The following NKAIN2 variants were observed in gnomAD, a reference collection of about 807,000 sequenced individuals.
NKAIN2 encodes the protein sodium/potassium transporting ATPase interacting 2.
In NKAIN2, 14 loss-of-function variants were observed where a neutral mutation model predicts 32.6. The ratio of observed to expected loss-of-function variants is 0.43; its 90% confidence interval spans 0.28 to 0.67. The LOEUF is 0.67. NKAIN2 is among the 30% of genes least tolerant of loss of function. The pLI is 0.17. For synonymous variants in NKAIN2, 80 were observed against 87.2 expected, an observed-to-expected ratio of 0.92 and a Z score of 0.46; for missense variants, 198 against 258.3, an observed-to-expected ratio of 0.77 and a Z score of 1.60.
chr6:124,347,908 G>T (rs185856530), intron 2 of NKAIN2, among the ~76,000 whole-genome samples: 1 of 152,156 alleles, frequency 6.6e-6, no homozygotes, highest in Non-Finnish European at 1.5e-5. Flanking sequence ...GAGGAGAGGC[G>T]CTCTGCTTTT....
At chr6:124,195,537 A>T (rs974305948) in intron 1 of NKAIN2, among the ~76,000 whole-genome samples, 1 of 152,154 alleles carries the variant, frequency 6.6e-6, no homozygotes, top group African/African-American at 2.4e-5. Flanking sequence ...AAAACTTCTC[A>T]TTTGTGTATG....
intron 4 of NKAIN2, among the ~76,000 whole-genome samples, chr6:124,682,743 G>A (rs975747594): frequency 1.3e-4 from 20 of 151,908 alleles, no homozygotes; most frequent in Admixed American, 1.3e-3. Flanking sequence ...TGATATATTG[G>A]AACTTAAAAA....
chr6:124,642,539 CT>C (rs1784031575), intron 3 of NKAIN2, among the ~76,000 whole-genome samples: 1 of 152,252 alleles, frequency 6.6e-6, no homozygotes, highest in African/African-American at 2.4e-5. Context: ...CAGAACAGTG[CT>C]TTCTGATGAT....
Position 124,313,343 on chromosome 6 carries a change from G to A in NKAIN2, c.192+30201G>A, listed in dbSNP as rs140634796. Among the ~76,000 whole-genome samples, 822 of 152,132 alleles carry A rather than the reference G, an allele frequency of 5.4e-3. 4 individuals carry two copies. Among genetic ancestry groups the A allele is most frequent in the African/African-American group, 0.018 (751 of 41,510 alleles). Reference sequence around the variant, plus strand: ...TTTTTATTCCAATCATTGCCTTCGTGCTGTGTCTGATATCTATTGCCTGTC... The same window carrying A: ...TTTTTATTCCAATCATTGCCTTCGTACTGTGTCTGATATCTATTGCCTGTC... On this transcript the variant is annotated intron_variant, in intron 2 of 6. Transcript: ENST00000368417.
chr6:124,067,836 G>A (rs929855170), intron 1 of NKAIN2, among the ~76,000 whole-genome samples: 1 of 152,178 alleles, frequency 6.6e-6, no homozygotes, highest in Non-Finnish European at 1.5e-5. Flanking sequence ...CATCCATTTA[G>A]CAAATATGTA....
chr6:124,432,484 A>G (rs1173284380), intron 3 of NKAIN2, among the ~76,000 whole-genome samples: 1 of 152,134 alleles, frequency 6.6e-6, no homozygotes, highest in African/African-American at 2.4e-5. Context: ...GTGTGCGCCT[A>G]TAAGTCACAG....
At chr6:124,709,475 C>G (rs1237613635) in intron 4 of NKAIN2, among the ~76,000 whole-genome samples, 1 of 151,670 alleles carries the variant, frequency 6.6e-6, no homozygotes, top group Admixed American at 6.6e-5. Context: ...GTCCTGGACT[C>G]TTTATGGTTG....
intron 4 of NKAIN2, among the ~76,000 whole-genome samples, chr6:124,776,251 C>G (rs1464938997): frequency 6.6e-6 from 1 of 152,182 alleles, no homozygotes; most frequent in African/African-American, 2.4e-5. Context: ...TTCTACCCAA[C>G]AGTTTAGCAC....
At chr6:124,668,402 T>A (rs1772920345) in intron 4 of NKAIN2, among the ~76,000 whole-genome samples, 1 of 152,156 alleles carries the variant, frequency 6.6e-6, no homozygotes, top group Admixed American at 6.6e-5. Context: ...TTAAGTTTGA[T>A]TAGCTTATCA....
intron 4 of NKAIN2, among the ~76,000 whole-genome samples, chr6:124,681,867 T>C (rs968100729): frequency 6.6e-6 from 1 of 151,866 alleles, no homozygotes; most frequent in African/African-American, 2.4e-5. Flanking sequence ...GAAATAAAAA[T>C]TTAAGAGATC....
chr6:124,806,228 G>A (rs1274540574), intron 5 of NKAIN2, among the ~76,000 whole-genome samples: 2 of 152,118 alleles, frequency 1.3e-5, no homozygotes, highest in African/African-American at 4.8e-5. Flanking sequence ...AATGTTAAGG[G>A]CAGCCAGAGA....
chr6:123,991,314 G>A (rs1779399504), intron 1 of NKAIN2, among the ~76,000 whole-genome samples: 1 of 152,132 alleles, frequency 6.6e-6, no homozygotes, highest in African/African-American at 2.4e-5. Context: ...TGGTTCTGCT[G>A]ATGAAAGTTG....
chr6:124,415,878 C>CTTTTTTTTTTTTTTTTTGTTT (rs1774459021), intron 3 of NKAIN2, among the ~76,000 whole-genome samples: 1 of 72,588 alleles, frequency 1.4e-5, no homozygotes, highest in Non-Finnish European at 2.6e-5. Context: ...TTTTTATTTG[C>CTTTTTTTTTTTTTTTTTGTTT]TTTTTTTTTT....
chr6:124,268,992 A>T (rs1226248258), intron 1 of NKAIN2, among the ~76,000 whole-genome samples: 2 of 152,172 alleles, frequency 1.3e-5, no homozygotes, highest in Admixed American at 1.3e-4. Flanking sequence ...AATGCTATTA[A>T]TATTAATAGT....
chr6:123,911,283 G>T (rs613676), intron 1 of NKAIN2, among the ~76,000 whole-genome samples: 61,888 of 151,880 alleles, frequency 0.41, 12,922 homozygotes, highest in Middle Eastern at 0.52. Flanking sequence ...GCTTCTGCAG[G>T]CTGTACAAGA....
chr6:124,490,411 G>GTTTT, intron 3 of NKAIN2: 3 of 231,860 alleles, frequency 1.3e-5, no homozygotes, highest in East Asian at 1.5e-4. Context: ...GAATCATAGA[G>GTTTT]GTTTTTTTTT....
intron 3 of NKAIN2, among the ~76,000 whole-genome samples, chr6:124,479,316 A>T (rs551112805): frequency 6.6e-6 from 1 of 152,306 alleles, no homozygotes; most frequent in East Asian, 1.9e-4. Context: ...ATACCATACC[A>T]ATGTGAGATG....
chr6:124,230,887 C>A (rs1792413863), intron 1 of NKAIN2, among the ~76,000 whole-genome samples: 1 of 152,152 alleles, frequency 6.6e-6, no homozygotes, highest in Non-Finnish European at 1.5e-5. Flanking sequence ...CACACAGAGT[C>A]CCTACTGGGG....
intron 4 of NKAIN2, among the ~76,000 whole-genome samples, chr6:124,674,936 T>A (rs1467156600): frequency 6.6e-6 from 1 of 152,082 alleles, no homozygotes; most frequent in Non-Finnish European, 1.5e-5. Flanking sequence ...TTGTTCCTGA[T>A]CTTCAAGAAA....
Sources: allele counts gnomAD v4.1 joint callset (sites outside exome capture counted in the v4.1 genomes callset), GRCh38; gene constraint gnomAD v4.1.1; transcripts MANE v1.5; gene names NCBI Gene and HGNC (gene_info 2026-07-23, HGNC 2026-07-21).